TMTC1: variants seen among roughly 807,000 people sequenced by gnomAD.
TMTC1 encodes the protein transmembrane O-mannosyltransferase targeting cadherins 1.
TMTC1 carries 73 observed loss-of-function variants against 104.8 expected under a neutral mutation model. That is an observed-to-expected ratio of 0.70 (90% CI 0.58 to 0.85). The LOEUF is 0.85. Among genes scored for constraint, TMTC1 ranks in the 40% least tolerant of loss-of-function variants. The pLI, the probability that TMTC1 is intolerant of heterozygous loss-of-function variation, is 0.00. For synonymous variants in TMTC1, 434 were observed against 428.7 expected (o/e 1.01, Z -0.15); for missense variants, 1,035 against 1,096.1 (o/e 0.94, Z 0.79).
chr12:29,727,073 T>A (rs1056736170), intron 5 of TMTC1, among the ~76,000 whole-genome samples: 1 of 152,146 alleles, frequency 6.6e-6, no homozygotes, highest in Non-Finnish European at 1.5e-5. Context: ...TAGCCCAAAA[T>A]GTCAAAATGC....
chr12:29,755,540 T>C (rs564268650), intron 4 of TMTC1, among the ~76,000 whole-genome samples, 169 bp downstream of exon 4: 3 of 152,376 alleles, frequency 2.0e-5, no homozygotes, highest in East Asian at 3.8e-4. Flanking sequence ...TTTGAACATA[T>C]ATAATGCGCT....
intron 7 of TMTC1, among the ~76,000 whole-genome samples, chr12:29,600,878 G>T (rs1011108859): frequency 2.0e-5 from 3 of 152,208 alleles, no homozygotes; most frequent in African/African-American, 7.2e-5. Context: ...CTCAGAAAAA[G>T]ATGACTTAGT....
chr12:29,528,688 G>A (rs888930302), intron 11 of TMTC1, among the ~76,000 whole-genome samples: 1 of 152,110 alleles, frequency 6.6e-6, no homozygotes, highest in Non-Finnish European at 1.5e-5. Context: ...ATGACAAATG[G>A]ACATTGGCTT....
chr12:29,644,744 C>A (rs1355752221), intron 5 of TMTC1, among the ~76,000 whole-genome samples: 1 of 152,112 alleles, frequency 6.6e-6, no homozygotes, highest in Admixed American at 6.6e-5. Flanking sequence ...GTGTAGTTAG[C>A]AGTTCTGTCC....
At chr12:29,774,142 C>T (rs1340436245) in intron 1 of TMTC1, among the ~76,000 whole-genome samples, 1 of 152,116 alleles carries the variant, frequency 6.6e-6, no homozygotes, top group African/African-American at 2.4e-5. Context: ...GCATCTCAAC[C>T]TCATTAAACA....
At chr12:29,535,265 A>T (rs1158062694) in intron 11 of TMTC1, 1 of 152,224 alleles carries the variant, frequency 6.6e-6, no homozygotes, top group African/African-American at 2.4e-5. Context: ...TTTAGCTCAC[A>T]CTTTATACTA....
chr12:29,781,212 A>T (rs564719149), intron 1 of TMTC1, among the ~76,000 whole-genome samples: 1 of 152,354 alleles, frequency 6.6e-6, no homozygotes, highest in South Asian at 2.1e-4. Context: ...CTCTTTCTGA[A>T]GAGGCAGTTA....
At chr12:29,634,524 A>G (rs1387859232) in intron 5 of TMTC1, among the ~76,000 whole-genome samples, 2 of 152,184 alleles carry the variant, frequency 1.3e-5, no homozygotes, top group Admixed American at 6.5e-5. Flanking sequence ...CCTCTGCACA[A>G]ATCAGAATGA....
At position 29,759,642 on chromosome 12, in the gene TMTC1, A is replaced by G. The variant is rs576815751; in HGVS notation, c.481-865T>C. On this transcript the variant is annotated intron_variant, in intron 2 of 17. Transcript: ENST00000539277. ...TATAAAACCTCAGTAGCAAAGGGCC[A>G]TCTTGGCACTAACCACAAACCATTT... Among the ~76,000 whole-genome samples the G allele has an allele frequency of 9.8e-5, 15 of 152,362 alleles. No individual in the cohort carries two copies. The East Asian group carries it at 2.9e-3, about 29-fold the overall frequency.
At chr12:29,708,191 A>C (rs1941802100) in intron 5 of TMTC1, among the ~76,000 whole-genome samples, 1 of 152,226 alleles carries the variant, frequency 6.6e-6, no homozygotes, top group South Asian at 2.1e-4. Flanking sequence ...AAAACAGAAA[A>C]GCACAGAATT....
chr12:29,512,922 C>T (rs1479693412), intron 16 of TMTC1, among the ~76,000 whole-genome samples: 4 of 152,214 alleles, frequency 2.6e-5, no homozygotes, highest in East Asian at 1.9e-4. Flanking sequence ...ATGTTCCTTG[C>T]TATTTTCATT....
chr12:29,562,465 T>C (rs1729699980), intron 9 of TMTC1, among the ~76,000 whole-genome samples: 1 of 152,356 alleles, frequency 6.6e-6, no homozygotes, highest in East Asian at 1.9e-4. Flanking sequence ...CCTGAGAATT[T>C]ACTGCTAGGG....
chr12:29,716,556 TATGGGAAATTTA>T (rs1463197268), intron 5 of TMTC1, among the ~76,000 whole-genome samples: 2 of 152,144 alleles, frequency 1.3e-5, no homozygotes, highest in Non-Finnish European at 2.9e-5. Flanking sequence ...AGCCTAAGGA[TATGGGAAATTTA>T]AAAATCATAC....
chr12:29,665,456 C>A (rs1448997779), intron 5 of TMTC1, among the ~76,000 whole-genome samples: 1 of 152,144 alleles, frequency 6.6e-6, no homozygotes, highest in Admixed American at 6.5e-5. Flanking sequence ...AAATAAAGGT[C>A]AAGTTTACCA....
intron 5 of TMTC1, among the ~76,000 whole-genome samples, chr12:29,715,994 T>TATC (rs1555191348): frequency 6.8e-5 from 7 of 102,612 alleles, no homozygotes; most frequent in African/African-American, 2.8e-4. Flanking sequence ...TCAGTATTAT[T>TATC]ATTATTATTA....
At chr12:29,739,568 T>C (rs1289923364) in intron 5 of TMTC1, among the ~76,000 whole-genome samples, 1 of 152,166 alleles carries the variant, frequency 6.6e-6, no homozygotes, top group Non-Finnish European at 1.5e-5. Flanking sequence ...TAATCCATGC[T>C]GGGCCAACAA....
chr12:29,546,201 A>G (rs1944938079), intron 10 of TMTC1, among the ~76,000 whole-genome samples: 1 of 152,182 alleles, frequency 6.6e-6, no homozygotes, highest in South Asian at 2.1e-4. Context: ...TGTCCTAGAC[A>G]ACTGGTGTGG....
rs138396720 is a variant in TMTC1, at chr12:29,502,545, G to A, written c.*4301C>T. 20 of 152,150 alleles carry A rather than the reference G, an allele frequency of 1.3e-4. No homozygotes were observed. Among genetic ancestry groups the A allele is most frequent in the African/African-American group, 4.1e-4 (17 of 41,502 alleles). The allele number at this position is 152,150 out of a possible 1,614,324, so 9.4% of individuals were successfully genotyped here. On this transcript the variant is annotated 3_prime_UTR_variant, in exon 18 of 18. Coordinates refer to ENST00000539277, the MANE Select transcript of TMTC1 (RefSeq NM_001193451.2). ...AGGCAATTCCTCTCCATCTGAGAAC[G>A]AGGAATTGTGTCATTTTAAGGCCAA...
chr12:29,639,916 A>G (rs1938751025), intron 5 of TMTC1, among the ~76,000 whole-genome samples: 1 of 152,250 alleles, frequency 6.6e-6, no homozygotes. Context: ...TATGACTGGA[A>G]GCAGGACCTG....
Sources: allele counts gnomAD v4.1 joint callset (sites outside exome capture counted in the v4.1 genomes callset), GRCh38; gene constraint gnomAD v4.1.1; transcripts MANE v1.5; gene names NCBI Gene and HGNC (gene_info 2026-07-23, HGNC 2026-07-21).